The following DEFB118 variants were observed in gnomAD, a reference collection of about 807,000 sequenced individuals.
The protein encoded by DEFB118 is defensin, beta 18.
Under a neutral mutation model 2.8 loss-of-function variants are expected in DEFB118, and 3 were observed. The observed-to-expected ratio is 1.09, with a 90% CI of 0.50 to 2.82. DEFB118 has a LOEUF of 2.82. Among genes scored for constraint, DEFB118 ranks in the 30% most tolerant of loss-of-function variants. The pLI is 0.04. For missense variants in DEFB118, 159 were observed against 144.6 expected (o/e 1.10, Z -0.51); for synonymous variants, 63 against 53.5 (o/e 1.18, Z -0.78).
chr20:31,370,841 C>G (rs572904340), intron 1 of DEFB118, among the ~76,000 whole-genome samples: 9 of 152,196 alleles, frequency 5.9e-5, no homozygotes, highest in Non-Finnish European at 1.3e-4. Context: ...ACCTCTGCCT[C>G]GGGGGTTCAA....
In DEFB118 at chr20:31,373,284, T is replaced by C. The variant is rs148251220; in HGVS notation, c.*114T>C. 5.3e-4 allele frequency: 483 copies of C among 916,350 alleles called. 1 individual carries two copies. The African/African-American group carries it at 6.9e-3, about 13-fold the overall frequency. The allele number at this position is 916,350 out of a possible 1,614,324, so 56.8% of individuals were successfully genotyped here. ...CCCACCCCCCACCAATATGTAATTC[T>C]ATTAATAGAAACAGCTGTGTAAAGA... On this transcript the variant is annotated 3_prime_UTR_variant, in exon 2 of 2. Transcript: ENST00000253381.
At chr20:31,370,096 T>G (rs1289251343) in intron 1 of DEFB118, among the ~76,000 whole-genome samples, 1 of 152,112 alleles carries the variant, frequency 6.6e-6, no homozygotes, top group Non-Finnish European at 1.5e-5. Context: ...GGGTCTACCC[T>G]GGCGTTCAGG....
chr20:31,368,762 A>C, intron 1 of DEFB118, 54 bp downstream of exon 1: 80 of 1,549,792 alleles, frequency 5.2e-5, no homozygotes, highest in Non-Finnish European at 6.3e-5. Context: ...GTTCTGGCTC[A>C]TGAAAATTCC....
intron 1 of DEFB118, among the ~76,000 whole-genome samples, chr20:31,369,245 G>T (rs1431804602): frequency 5.3e-5 from 8 of 152,072 alleles, no homozygotes; most frequent in Admixed American, 4.6e-4. Flanking sequence ...TGAAATCACT[G>T]GTGAAGAGAG....
chr20:31,371,239 C>G (rs1986204558), intron 1 of DEFB118, among the ~76,000 whole-genome samples: 2 of 152,102 alleles, frequency 1.3e-5, no homozygotes, highest in Non-Finnish European at 2.9e-5. Flanking sequence ...CTTCCTCTGC[C>G]TGATATATAC....
intron 1 of DEFB118, among the ~76,000 whole-genome samples, chr20:31,372,419 C>T (rs909582223): frequency 6.6e-6 from 1 of 152,008 alleles, no homozygotes; most frequent in South Asian, 2.1e-4. Context: ...TGTGGTGGCG[C>T]GTGCCTGTAG....
chr20:31,373,253 G>A lies in DEFB118; in HGVS notation c.*83G>A. ...GATAAAGCACTGAAAACACCACAGT[G>A]ACCCTCCCACCCCCCACCAATATGT... On this transcript the variant is annotated 3_prime_UTR_variant, in exon 2 of 2. Transcript: ENST00000253381. The A allele has an allele frequency of 7.9e-7, 1 of 1,267,348 alleles. No individual in the cohort carries two copies. 78.5% of individuals were successfully genotyped at this position (1,267,348 alleles called of 1,614,324 possible).
Position 31,372,722 on chromosome 20 carries a change from C to T in DEFB118, c.59-135C>T. The T allele has an allele frequency of 5.9e-6, 4 of 674,998 alleles. No homozygotes were observed. The South Asian group carries it at 7.9e-5, about 13-fold the overall frequency. 41.8% of individuals were successfully genotyped at this position (674,998 alleles called of 1,614,324 possible). ...ATGGGAGGTTGAGTATTTGCCAGAC[C>T]TGAGGTGGGAGTCTTGCAGCTGTCA... On this transcript the variant is annotated intron_variant, in intron 1 of 1. Transcript: ENST00000253381.
rs1986158568 is a variant in DEFB118 at position 31,368,693 on chromosome 20, C to T, written c.43C>T (p.Pro15Ser). The stretch of plus-strand genomic sequence containing the variant: ...GGCTCTTCCTATGCTTGTGCTCCTA[C>T]CCCAAGTGATCCCAGGTAATCAGAG... ...LLALPMLVLL[P>S]QVIPAYSGEK... The change falls in exon 1 of 2, where the codon CCC (proline) becomes TCC (serine). Residue 15 changes from proline (P) to serine (S), a missense_variant. Pro to Ser is a moderately conservative substitution (Grantham distance 74). Coordinates refer to ENST00000253381, the MANE Select transcript of DEFB118 (RefSeq NM_054112.3). 2 of 1,613,620 alleles carry T rather than the reference C, an allele frequency of 1.2e-6. No homozygotes were observed. The highest frequency in any genetic ancestry group is 2.2e-5 in the East Asian group (1 of 44,852).
chr20:31,373,352 C>T lies in DEFB118; in HGVS notation c.*182C>T. The T allele has an allele frequency of 1.7e-6, 1 of 587,478 alleles. No homozygotes were observed. The highest frequency in any genetic ancestry group is 3.0e-6 in the Non-Finnish European group (1 of 335,792). The allele number at this position is 587,478 out of a possible 1,614,324, so 36.4% of individuals were successfully genotyped here. On this transcript the variant is annotated 3_prime_UTR_variant, in exon 2 of 2. Transcript: ENST00000253381. ...ATTTCCAATGATAAACTCTTCAGTG[C>T]TCTTCTTGAAATGTCACATTATTTC...
At chr20:31,369,814 T>C (rs1378440248) in intron 1 of DEFB118, among the ~76,000 whole-genome samples, 1 of 152,204 alleles carries the variant, frequency 6.6e-6, no homozygotes, top group East Asian at 1.9e-4. Flanking sequence ...TAAAGTCATA[T>C]ATAGCCATTT....
rs1401674202 is a variant in DEFB118, at chr20:31,372,946, A to T, written c.148A>T (p.Asn50Tyr). The change falls in exon 2 of 2, where the codon AAT (asparagine) becomes TAT (tyrosine). Residue 50 changes from asparagine to tyrosine, a missense_variant. Coordinates refer to ENST00000253381, the MANE Select transcript of DEFB118 (RefSeq NM_054112.3). ...DGEAVKDTCK[N>Y]LRACCIPSNE... Reference sequence around the variant, plus strand: ...AGAAGCAGTGAAAGATACATGCAAAAATCTTCGAGCTTGCTGCATTCCATC... The same window carrying T: ...AGAAGCAGTGAAAGATACATGCAAATATCTTCGAGCTTGCTGCATTCCATC... The T allele has an allele frequency of 1.6e-5, 26 of 1,614,066 alleles. No individual in the cohort carries two copies. The Admixed American group carries it at 3.5e-4, about 22-fold the overall frequency.
chr20:31,373,696 G>C lies in DEFB118; in HGVS notation c.*526G>C, dbSNP rs1355052136. 1 of 156,384 alleles carries C rather than the reference G, an allele frequency of 6.4e-6. No homozygotes were observed. Among genetic ancestry groups the C allele is most frequent in the Non-Finnish European group, 1.4e-5 (1 of 70,538 alleles). The allele number at this position is 156,384 out of a possible 1,614,324, so 9.7% of individuals were successfully genotyped here. ...AGGAAATTGGCCGCCCCAGGTGTGAGCTATGAAGACTCCTTTTTGCCCCAG... is the reference window on the plus strand; with the variant it reads ...AGGAAATTGGCCGCCCCAGGTGTGACCTATGAAGACTCCTTTTTGCCCCAG... On this transcript the variant is annotated 3_prime_UTR_variant, in exon 2 of 2. Coordinates refer to ENST00000253381, the MANE Select transcript of DEFB118 (RefSeq NM_054112.3).
intron 1 of DEFB118, among the ~76,000 whole-genome samples, chr20:31,371,717 G>T (rs2122271558): frequency 6.6e-6 from 1 of 152,218 alleles, no homozygotes; most frequent in South Asian, 2.1e-4. Context: ...AGCTTTAGGG[G>T]TACAAGTGGA....
At chr20:31,370,399 A>G (rs993205009) in intron 1 of DEFB118, among the ~76,000 whole-genome samples, 2 of 152,208 alleles carry the variant, frequency 1.3e-5, no homozygotes, top group Non-Finnish European at 2.9e-5. Context: ...AAAGAGACAG[A>G]TGTGAAAGAT....
At chr20:31,370,660 G>A (rs571632313) in intron 1 of DEFB118, among the ~76,000 whole-genome samples, 3 of 152,290 alleles carry the variant, frequency 2.0e-5, no homozygotes, top group East Asian at 1.9e-4. Context: ...CCCTCTCACC[G>A]AAAATACACA....
Position 31,372,922 on chromosome 20 carries a change from G to C in DEFB118, c.124G>C (p.Glu42Gln), listed in dbSNP as rs1483586142. The change falls in exon 2 of 2, where the codon GAA (glutamate) becomes CAA (glutamine). Residue 42 changes from glutamate to glutamine, a missense_variant. Coordinates refer to ENST00000253381, the MANE Select transcript of DEFB118 (RefSeq NM_054112.3). ...CTGCAGGAAACAATGCAAAGATGGA[G>C]AAGCAGTGAAAGATACATGCAAAAA... ...GHCRKQCKDG[E>Q]AVKDTCKNLR... is the part of the protein sequence containing the mutation. The C allele has an allele frequency of 6.2e-7, 1 of 1,614,174 alleles. No homozygotes were observed. The highest frequency in any genetic ancestry group is 2.2e-5 in the East Asian group (1 of 44,884).
chr20:31,368,602 C>T lies in DEFB118; in HGVS notation c.-49C>T, dbSNP rs1221554841. 6.3e-7 allele frequency: 1 copy of T among 1,585,582 alleles called. No individual in the cohort carries two copies. On this transcript the variant is annotated 5_prime_UTR_variant, in exon 1 of 2. Coordinates refer to ENST00000253381, the MANE Select transcript of DEFB118 (RefSeq NM_054112.3). ...AACTCTTGTTCAGACTCACACTGCA[C>T]ACAGTATTCTGAACTCCTGGATCTA... is the stretch of plus-strand genomic sequence containing the variant.
At chr20:31,372,811 G>A in intron 1 of DEFB118, 46 bp from the exon 2 acceptor site, 1 of 1,481,894 alleles carries the variant, frequency 6.7e-7, no homozygotes, top group Non-Finnish European at 9.3e-7. Context: ...GTGAAATTGA[G>A]AGCATCAGTA....
Sources: allele counts gnomAD v4.1 joint callset (sites outside exome capture counted in the v4.1 genomes callset), GRCh38; gene constraint gnomAD v4.1.1; transcripts MANE v1.5; gene names NCBI Gene and HGNC (gene_info 2026-07-23, HGNC 2026-07-21).